CDH17: variants seen among roughly 807,000 people sequenced by gnomAD.
The protein encoded by CDH17 is cadherin-17.
In CDH17, 67 loss-of-function variants were observed where a neutral mutation model predicts 86.3. The observed-to-expected ratio is 0.78, with a 90% CI of 0.64 to 0.95. The LOEUF (loss-of-function observed/expected upper bound fraction) is 0.95, where lower values mean the gene tolerates loss of function less well. Ranked by LOEUF, CDH17 falls within the 40% of genes least tolerant of loss-of-function variation. The probability of loss-of-function intolerance (pLI) is 0.00; values close to 1 mark genes in which losing one functional copy is unlikely to be tolerated. For synonymous variants in CDH17, 367 were observed against 366.4 expected, an observed-to-expected ratio of 1.00 and a Z score of -0.02; for missense variants, 993 against 1,017.6, an observed-to-expected ratio of 0.98 and a Z score of 0.33.
Position 94,170,926 on chromosome 8 carries a change from T to C in CDH17, c.843A>G (p.Arg281=), listed in dbSNP as rs565322560. Residue 281 remains arginine, a synonymous_variant, in exon 8 of 18, where the codon AGA becomes AGG. Coordinates refer to ENST00000027335, the MANE Select transcript of CDH17 (RefSeq NM_004063.4). The part of the protein sequence containing the change: ...YSLVDKEKLP[R]FPFSIDQEGD... The stretch of plus-strand genomic sequence containing the variant: ...CTTCCTGGTCAATTGAAAATGGGAA[T>C]CTTGGCAGCTTCTCTTTGTCAACTA... 1.2e-6 allele frequency: 2 copies of C among 1,613,892 alleles called. No homozygotes were observed. The highest frequency in any genetic ancestry group is 2.7e-5 in the African/African-American group (2 of 75,014).
intron 11 of CDH17, among the ~76,000 whole-genome samples, chr8:94,160,821 G>A (rs1238190591): frequency 3.9e-5 from 6 of 152,198 alleles, no homozygotes; most frequent in African/African-American, 1.4e-4. Context: ...GAGTAGTTAT[G>A]TTACCATCTC....
chr8:94,176,653 A>T lies in CDH17; in HGVS notation c.312T>A (p.Ile104=). 1 of 1,613,500 alleles carries T rather than the reference A, an allele frequency of 6.2e-7. No homozygotes were observed. The highest frequency in any genetic ancestry group is 8.5e-7 in the Non-Finnish European group (1 of 1,179,664). ...LQVAALDANG[I]IVEGPVPITI... is the part of the protein sequence containing the mutation. ...TGATAGGGACTGGACCCTCCACTAT[A>T]ATTCCATTAGCGTCCAGGGCTGCAA... Residue 104 remains isoleucine, a synonymous_variant, in exon 5 of 18, where the codon ATT becomes ATA. Transcript: ENST00000027335.
upstream of CDH17, among the ~76,000 whole-genome samples, chr8:94,210,405 C>A (rs1480485667): frequency 6.6e-6 from 1 of 152,074 alleles, no homozygotes; most frequent in African/African-American, 2.4e-5. Context: ...ATGCCTAAAC[C>A]ACCCATCAGA....
chr8:94,136,191 A>G (rs1251764695), intron 15 of CDH17, among the ~76,000 whole-genome samples: 1 of 152,054 alleles, frequency 6.6e-6, no homozygotes, highest in Non-Finnish European at 1.5e-5. Flanking sequence ...CTGAATTTGA[A>G]TGTTGGCCTG....
intron 1 of CDH17, among the ~76,000 whole-genome samples, chr8:94,214,183 C>G (rs1250556608): frequency 6.6e-6 from 1 of 152,104 alleles, no homozygotes; most frequent in Non-Finnish European, 1.5e-5. Context: ...TCATGTTAGC[C>G]CTGGTGGTCA....
chr8:94,187,618 A>G (rs114743207), intron 3 of CDH17, among the ~76,000 whole-genome samples: 62 of 151,854 alleles, frequency 4.1e-4, no homozygotes, highest in African/African-American at 1.4e-3. Flanking sequence ...ATTCAGATCC[A>G]TTGCTTTTGA....
chr8:94,213,269 G>T (rs1814149658), upstream of CDH17, among the ~76,000 whole-genome samples: 1 of 152,208 alleles, frequency 6.6e-6, no homozygotes, highest in Non-Finnish European at 1.5e-5. Context: ...ACCATGCCTG[G>T]CTGGCACTCT....
At chr8:94,213,826 C>T (rs1262518530) in intron 1 of CDH17, among the ~76,000 whole-genome samples, 1 of 152,158 alleles carries the variant, frequency 6.6e-6, no homozygotes, top group African/African-American at 2.4e-5. Context: ...CCTCAAATTT[C>T]CCTTTACCCC....
chr8:94,128,238 AT>A lies in CDH17; in HGVS notation c.*1del, dbSNP rs1563560811. ...TATAAATTCAAACATTCCTTTTCAA[AT>A]TCAGCTTCTCAGAGGTTTGACTTCA... On this transcript the variant is annotated 3_prime_UTR_variant, in exon 18 of 18. Transcript: ENST00000027335. 1.9e-6 allele frequency: 3 copies of A among 1,597,096 alleles called. No individual in the cohort carries two copies. In the African/African-American group the frequency reaches 4.0e-5, roughly 21 times the overall value.
upstream of CDH17, among the ~76,000 whole-genome samples, chr8:94,210,286 T>C (rs1008495447): frequency 6.9e-6 from 1 of 144,418 alleles, no homozygotes; most frequent in African/African-American, 2.6e-5. Context: ...CATGAGCCCA[T>C]TCCTGTTGGA....
chr8:94,217,037 T>A (rs1348642167), intron 1 of CDH17, among the ~76,000 whole-genome samples: 1 of 152,178 alleles, frequency 6.6e-6, no homozygotes, highest in African/African-American at 2.4e-5. Flanking sequence ...TTTACTACTT[T>A]ACAAATAAAT....
intron 1 of CDH17, among the ~76,000 whole-genome samples, chr8:94,205,931 T>A (rs1459394453): frequency 6.6e-6 from 1 of 152,142 alleles, no homozygotes; most frequent in Non-Finnish European, 1.5e-5. Context: ...AGAGAACTCA[T>A]CTTTAGCTTA....
intron 14 of CDH17, 22 bp downstream of exon 14, chr8:94,148,721 GT>G (rs151133817): frequency 0.32 from 355,903 of 1,095,868 alleles, 29,171 homozygotes; most frequent in Admixed American, 0.44. Flanking sequence ...CTTTTTTTTT[GT>G]TTTTTTTTTT....
intron 14 of CDH17, among the ~76,000 whole-genome samples, chr8:94,148,304 G>A (rs772794784): frequency 3.1e-4 from 47 of 152,168 alleles, no homozygotes; most frequent in Non-Finnish European, 5.3e-4. Flanking sequence ...CACTTTGGGA[G>A]GTGGAGGCAG....
chr8:94,172,405 A>G (rs1813286527), intron 7 of CDH17, among the ~76,000 whole-genome samples: 1 of 152,092 alleles, frequency 6.6e-6, no homozygotes, highest in African/African-American at 2.4e-5. Flanking sequence ...ATATGATGGA[A>G]TAGGCCATTC....
chr8:94,141,660 G>A (rs1373920233), intron 15 of CDH17, among the ~76,000 whole-genome samples: 2 of 152,176 alleles, frequency 1.3e-5, no homozygotes, highest in South Asian at 4.2e-4. Context: ...TCAAAAATAT[G>A]AAATGCTTAG....
Position 94,146,013 on chromosome 8 carries a change from A to T in CDH17, c.2082T>A (p.Asp694Glu). The change falls in exon 15 of 18, where the codon GAT becomes GAA. Residue 694 changes from aspartate to glutamate, a missense_variant. By Grantham distance (45) the Asp-to-Glu change is conservative. Coordinates refer to ENST00000027335, the MANE Select transcript of CDH17 (RefSeq NM_004063.4). ...GSLIFEATDD[D>E]QHLFRGPHFT... ...AATGGGGACCCCGAAATAAGTGCTG[A>T]TCATCATCAGTAGCCTCGAAAATGA... 2 of 1,613,964 alleles carry T rather than the reference A, an allele frequency of 1.2e-6. No individual in the cohort carries two copies. Among genetic ancestry groups the T allele is most frequent in the Non-Finnish European group, 1.7e-6 (2 of 1,179,912 alleles).
chr8:94,200,364 T>C (rs1405291323), intron 1 of CDH17, among the ~76,000 whole-genome samples: 3 of 152,038 alleles, frequency 2.0e-5, no homozygotes, highest in African/African-American at 7.2e-5. Flanking sequence ...TTCTGTGGCA[T>C]TTTATCTGAA....
At position 94,128,309 on chromosome 8, in the gene CDH17, T is replaced by C. The variant is rs1217546221; in HGVS notation, c.2430A>G (p.Ile810Met). 3 of 1,612,622 alleles carry C rather than the reference T, an allele frequency of 1.9e-6. No individual in the cohort carries two copies. Among genetic ancestry groups the C allele is most frequent in the Admixed American group, 3.3e-5 (2 of 59,988 alleles). ...GIILAVVFIRIKKDKGKDNVE... is the reference protein window; with the variant it reads ...GIILAVVFIRMKKDKGKDNVE... ...CATTATCTTTGCCTTTATCCTTCTT[T>C]ATGCGGATAAACACAACTGCTAAAA... Residue 810 changes from isoleucine (I) to methionine (M), a missense_variant, in exon 18 of 18, where the codon ATA (isoleucine) becomes ATG (methionine). Ile to Met is a conservative substitution (Grantham distance 10). Coordinates refer to ENST00000027335, the MANE Select transcript of CDH17 (RefSeq NM_004063.4).
Sources: gnomAD v4.1 joint callset for allele counts (sites outside exome capture counted in the v4.1 genomes callset) on GRCh38, gnomAD v4.1.1 for gene constraint, MANE v1.5 for transcripts, NCBI Gene and HGNC (gene_info 2026-07-23, HGNC 2026-07-21) for gene names.